FARS2: variants seen among roughly 807,000 people sequenced by gnomAD.
FARS2 encodes the protein phenylalanyl-tRNA synthetase 2, mitochondrial.
FARS2 carries 40 observed loss-of-function variants against 46.4 expected under a neutral mutation model. The ratio of observed to expected loss-of-function variants is 0.86; its 90% CI spans 0.67 to 1.12. The LOEUF (loss-of-function observed/expected upper bound fraction) is 1.12, where lower values mean the gene tolerates loss of function less well. Among genes scored for constraint, FARS2 ranks in the 50% most tolerant of loss-of-function variants. FARS2 has a pLI of 0.00. For missense variants in FARS2, 513 were observed against 567.9 expected, an observed-to-expected ratio of 0.90 and a Z score of 0.98; for synonymous variants, 234 against 214.9, an observed-to-expected ratio of 1.09 and a Z score of -0.78.
Position 5,741,803 on chromosome 6 carries a change from A to T in FARS2, c.1218-29488A>T, listed in dbSNP as rs182705603. 3.9e-3 allele frequency among the ~76,000 whole-genome samples: 595 copies of T among 151,634 alleles called. 1 individual carries two copies. The highest frequency in any genetic ancestry group is 8.1e-3 in the South Asian group (39 of 4,818). On this transcript the variant is annotated intron_variant, in intron 6 of 6. Coordinates refer to ENST00000274680, the MANE Select transcript of FARS2 (RefSeq NM_006567.5). ...GCAGCTGGGATTACAGGCACATGCC[A>T]CCACCCCCAGTTAATTTTTGTATTT...
At chr6:5,701,649 T>G (rs1758443140) in intron 6 of FARS2, among the ~76,000 whole-genome samples, 1 of 152,210 alleles carries the variant, frequency 6.6e-6, no homozygotes, top group Non-Finnish European at 1.5e-5. Context: ...TTGTTTTTCA[T>G]TATCCCCATC....
chr6:5,366,920 T>C (rs570161427), intron 1 of FARS2, among the ~76,000 whole-genome samples: 5 of 152,342 alleles, frequency 3.3e-5, no homozygotes, highest in African/African-American at 1.2e-4. Flanking sequence ...GACAAGTCAC[T>C]GAACACTAGA....
At chr6:5,657,522 G>A (rs116757222) in intron 6 of FARS2, among the ~76,000 whole-genome samples, 122 of 152,298 alleles carry the variant, frequency 8.0e-4, no homozygotes, top group Non-Finnish European at 1.6e-3. Context: ...TTTCCCCTCT[G>A]AAGATGCGGG....
At chr6:5,579,630 T>C (rs1176823377) in intron 5 of FARS2, among the ~76,000 whole-genome samples, 1 of 152,206 alleles carries the variant, frequency 6.6e-6, no homozygotes. Context: ...AAGTTATTTT[T>C]CCCCCAAACC....
intron 2 of FARS2, among the ~76,000 whole-genome samples, chr6:5,378,824 C>T (rs192619230): frequency 5.3e-5 from 8 of 152,342 alleles, no homozygotes; most frequent in Admixed American, 1.3e-4. Flanking sequence ...CACATGTTTA[C>T]GTAGTCCTCT....
chr6:5,665,839 C>G (rs1778088424), intron 6 of FARS2, among the ~76,000 whole-genome samples: 1 of 152,152 alleles, frequency 6.6e-6, no homozygotes, highest in South Asian at 2.1e-4. Flanking sequence ...CAGTTACTAC[C>G]AACTACTGGG....
At chr6:5,504,274 G>T (rs1055874958) in intron 4 of FARS2, among the ~76,000 whole-genome samples, 1 of 151,912 alleles carries the variant, frequency 6.6e-6, no homozygotes, top group Admixed American at 6.6e-5. Flanking sequence ...TTATAATATT[G>T]CATCATCCAC....
At chr6:5,746,659 G>A (rs961092503) in intron 6 of FARS2, among the ~76,000 whole-genome samples, 2 of 151,420 alleles carry the variant, frequency 1.3e-5, no homozygotes, top group Non-Finnish European at 2.9e-5. Context: ...ATAGGCAGAG[G>A]TGGGGGTGGG....
At chr6:5,559,375 G>A (rs573031149) in intron 5 of FARS2, among the ~76,000 whole-genome samples, 4 of 152,274 alleles carry the variant, frequency 2.6e-5, no homozygotes, top group Admixed American at 2.6e-4. Context: ...CTGCATTCCA[G>A]CCTGGGCAAC....
chr6:5,489,099 C>G (rs917361072), intron 4 of FARS2, among the ~76,000 whole-genome samples: 19 of 151,914 alleles, frequency 1.3e-4, no homozygotes, highest in African/African-American at 4.6e-4. Context: ...GAAAATGAAT[C>G]AGGGAAGGAG....
At chr6:5,732,058 C>T (rs1200924933) in intron 6 of FARS2, among the ~76,000 whole-genome samples, 2 of 152,222 alleles carry the variant, frequency 1.3e-5, no homozygotes, top group South Asian at 2.1e-4. Flanking sequence ...CCCGATGATC[C>T]TCATGCAGGG....
At chr6:5,259,605 C>T (rs1764868624), upstream of FARS2, among the ~76,000 whole-genome samples, 1 of 152,200 alleles carries the variant, frequency 6.6e-6, no homozygotes, top group Non-Finnish European at 1.5e-5. Context: ...TCAGGGCCTG[C>T]CAGCTCACAC....
At chr6:5,509,450 G>C (rs557154555) in intron 4 of FARS2, among the ~76,000 whole-genome samples, 2 of 152,350 alleles carry the variant, frequency 1.3e-5, no homozygotes, top group East Asian at 3.9e-4. Context: ...TGAGCACACT[G>C]GGGAAGTGAG....
chr6:5,558,900 G>C (rs1050701006), intron 5 of FARS2, among the ~76,000 whole-genome samples: 6 of 152,052 alleles, frequency 3.9e-5, no homozygotes, highest in Admixed American at 3.3e-4. Context: ...GACGACCCTT[G>C]TAAGAGTCCA....
intron 6 of FARS2, among the ~76,000 whole-genome samples, chr6:5,726,113 C>A (rs1413477780): frequency 6.6e-6 from 1 of 152,120 alleles, no homozygotes; most frequent in Non-Finnish European, 1.5e-5. Flanking sequence ...CAAAACGGCA[C>A]CTGCACTGTG....
intron 6 of FARS2, among the ~76,000 whole-genome samples, chr6:5,663,741 G>A (rs181263845): frequency 2.6e-5 from 4 of 152,342 alleles, no homozygotes; most frequent in Non-Finnish European, 5.9e-5. Flanking sequence ...TGGGAAGAGA[G>A]ATGAAGAGAA....
intron 6 of FARS2, among the ~76,000 whole-genome samples, chr6:5,769,551 C>G (rs756808736): frequency 6.6e-6 from 1 of 152,214 alleles, no homozygotes; most frequent in Non-Finnish European, 1.5e-5. Context: ...GTGCCTCCCC[C>G]AGGAGTCAGG....
At chr6:5,299,357 C>G (rs73365076) in intron 1 of FARS2, among the ~76,000 whole-genome samples, 7,941 of 152,220 alleles carry the variant, frequency 0.052, 234 homozygotes, top group Middle Eastern at 0.11. Context: ...ATCTTTGAAC[C>G]ATACAGTCAA....
chr6:5,485,068 C>T (rs1276279829), intron 4 of FARS2, among the ~76,000 whole-genome samples: 1 of 152,154 alleles, frequency 6.6e-6, no homozygotes, highest in Non-Finnish European at 1.5e-5. Flanking sequence ...AGCCCATGGC[C>T]TTAGCTATTC....
Sources: allele counts gnomAD v4.1 joint callset (sites outside exome capture counted in the v4.1 genomes callset), GRCh38; gene constraint gnomAD v4.1.1; transcripts MANE v1.5; gene names NCBI Gene and HGNC (gene_info 2026-07-23, HGNC 2026-07-21).